LCOR: variants seen among roughly 807,000 people sequenced by gnomAD.
LCOR encodes the protein ligand dependent nuclear receptor corepressor, also known as ligand-dependent corepressor.
A neutral mutation model predicts 64.4 loss-of-function variants in LCOR; 14 were observed. That is an observed-to-expected ratio of 0.22 (90% CI 0.14 to 0.34). The LOEUF is 0.34. Ranked by LOEUF, LCOR falls within the 10% of genes least tolerant of loss-of-function variation. The pLI is 1.00. For synonymous variants in LCOR, 643 were observed against 642.5 expected (o/e 1.00, Z -0.01); for missense variants, 1,686 against 1,765.3 (o/e 0.96, Z 0.80).
intron 2 of LCOR, among the ~76,000 whole-genome samples, chr10:96,867,024 T>C (rs1845986050): frequency 6.6e-6 from 1 of 152,108 alleles, no homozygotes; most frequent in Admixed American, 6.6e-5. Context: ...GTTTCACTCA[T>C]TGCCCAGGCT....
intron 4 of LCOR, among the ~76,000 whole-genome samples, chr10:96,920,630 A>ATATATG (rs1564626293): frequency 6.8e-6 from 1 of 147,248 alleles, no homozygotes; most frequent in African/African-American, 2.5e-5. Flanking sequence ...ATATGTATGT[A>ATATATG]CATTCATATA....
intron 2 of LCOR, among the ~76,000 whole-genome samples, chr10:96,871,801 CAGTT>C (rs1464352791): frequency 3.3e-5 from 5 of 151,778 alleles, no homozygotes; most frequent in Non-Finnish European, 5.9e-5. Context: ...AGTAGTTCAT[CAGTT>C]ATTGTTGAAC....
rs1848183615 is a variant in LCOR at position 96,989,810 on chromosome 10, G to T, written c.*4676G>T. On this transcript the variant is annotated 3_prime_UTR_variant, in exon 8 of 8. Coordinates refer to ENST00000421806, the MANE Select transcript of LCOR (RefSeq NM_001346516.2). Reference sequence around the variant, plus strand: ...CCACCTCAGCCTCCCAAAGTGCTGGGATTACAAGTGAGCCACCGCACCAAC... The same window carrying T: ...CCACCTCAGCCTCCCAAAGTGCTGGTATTACAAGTGAGCCACCGCACCAAC... 1 of 149,422 alleles carries T rather than the reference G, an allele frequency of 6.7e-6. No individual in the cohort carries two copies. Among genetic ancestry groups the T allele is most frequent in the Non-Finnish European group, 1.5e-5 (1 of 67,682 alleles). The allele number at this position is 149,422 out of a possible 1,614,324, so 9.3% of individuals were successfully genotyped here.
chr10:96,966,163 CT>C (rs57378535), intron 7 of LCOR, among the ~76,000 whole-genome samples: 14,117 of 89,962 alleles, frequency 0.16, 1,471 homozygotes, highest in East Asian at 0.39. Flanking sequence ...AAAATGGAAA[CT>C]TTTTTTTTTT....
intron 4 of LCOR, among the ~76,000 whole-genome samples, chr10:96,934,243 A>G (rs573736128): frequency 3.3e-5 from 5 of 152,334 alleles, no homozygotes; most frequent in Admixed American, 2.0e-4. Context: ...AATTTAAGCC[A>G]AAAGTCCATT....
chr10:96,917,176 A>T (rs1278078940), intron 4 of LCOR, among the ~76,000 whole-genome samples: 1 of 152,240 alleles, frequency 6.6e-6, no homozygotes, highest in Non-Finnish European at 1.5e-5. Flanking sequence ...GGCAAGGAGA[A>T]ATCATTAATT....
rs552370801 is a variant in LCOR at position 96,879,959 on chromosome 10, G to A, written c.-329-27306G>A. On this transcript the variant is annotated intron_variant, in intron 2 of 7. Transcript: ENST00000421806. ...ATTACAGGTGTGAGCCACCGTGCCC[G>A]GCCGATACTGTATCTTTATGATTCT... Among the ~76,000 whole-genome samples, 147 of 152,272 alleles carry A rather than the reference G, an allele frequency of 9.7e-4. 1 individual carries two copies. The highest frequency in any genetic ancestry group is 1.6e-3 in the Non-Finnish European group (109 of 68,022).
Position 96,981,591 on chromosome 10 carries a change from G to A in LCOR, c.1131G>A (p.Leu377=), listed in dbSNP as rs765616605. The A allele has an allele frequency of 1.7e-5, 28 of 1,614,188 alleles. No individual in the cohort carries two copies. The highest frequency in any genetic ancestry group is 2.2e-5 in the Non-Finnish European group (26 of 1,180,036). The part of the protein sequence containing the change: ...ENTLQCPKTP[L]RQDLEANEQD... The stretch of plus-strand genomic sequence containing the variant: ...CTTTACAGTGTCCAAAAACACCTTT[G>A]CGCCAGGATTTAGAGGCAAATGAAC... The change falls in exon 8 of 8, where the codon TTG becomes TTA. Residue 377 remains leucine (L), a synonymous_variant. Coordinates refer to ENST00000421806, the MANE Select transcript of LCOR (RefSeq NM_001346516.2).
In LCOR at chr10:96,856,507, T is replaced by C. The variant is rs1331570989; in HGVS notation, c.-330+23028T>C. On this transcript the variant is annotated intron_variant, in intron 2 of 7. Coordinates refer to ENST00000421806, the MANE Select transcript of LCOR (RefSeq NM_001346516.2). ...TTCCTTCCTTTATTTCTCTCTCTCT[T>C]TCAGTCCCCACTGTCTTACCCCGTC... Among the ~76,000 whole-genome samples, 4 of 150,804 alleles carry C rather than the reference T, an allele frequency of 2.7e-5. No homozygotes were observed. In the East Asian group the frequency reaches 5.9e-4, roughly 22 times the overall value.
At chr10:96,869,094 C>G (rs1047265601) in intron 2 of LCOR, among the ~76,000 whole-genome samples, 1 of 151,976 alleles carries the variant, frequency 6.6e-6, no homozygotes, top group Admixed American at 6.6e-5. Context: ...TTAGTAGATA[C>G]GGGGTTTCAC....
At chr10:96,957,382 G>C (rs957633994) in intron 7 of LCOR, 1 of 984,896 alleles carries the variant, frequency 1.0e-6, no homozygotes, top group African/African-American at 1.7e-5. Context: ...ATTATAATAA[G>C]GGAAGTTTAT....
chr10:96,907,839 A>G, intron 4 of LCOR, 92 bp downstream of exon 4: 1 of 287,694 alleles, frequency 3.5e-6, no homozygotes, highest in Non-Finnish European at 5.2e-6. Context: ...GAGGATTTGT[A>G]GGAAAAGGAA....
At chr10:96,885,018 A>G (rs1223248515) in intron 2 of LCOR, among the ~76,000 whole-genome samples, 1 of 152,180 alleles carries the variant, frequency 6.6e-6, no homozygotes, top group Non-Finnish European at 1.5e-5. Flanking sequence ...ATATATAGTA[A>G]TAAGACTTTT....
intron 2 of LCOR, among the ~76,000 whole-genome samples, chr10:96,846,597 G>A (rs1354139559): frequency 2.0e-5 from 3 of 152,168 alleles, no homozygotes; most frequent in Non-Finnish European, 2.9e-5. Context: ...AAGCAAACAG[G>A]TATGAGTAAA....
At chr10:96,904,036 C>A (rs1288682290) in intron 2 of LCOR, among the ~76,000 whole-genome samples, 2 of 152,118 alleles carry the variant, frequency 1.3e-5, no homozygotes, top group Non-Finnish European at 2.9e-5. Flanking sequence ...AGACATTAGG[C>A]AACTGACTTT....
In LCOR at chr10:96,993,654, C is replaced by G. The variant is rs1361027014; in HGVS notation, c.*8520C>G. On this transcript the variant is annotated 3_prime_UTR_variant, in exon 8 of 8. Transcript: ENST00000421806. ...TCACACATGGAGAAAGAACAAAAACCAGCAGGTTGAGAGCTGTTTGGGGCC... is the reference window on the plus strand; with the variant it reads ...TCACACATGGAGAAAGAACAAAAACGAGCAGGTTGAGAGCTGTTTGGGGCC... 2 of 151,612 alleles carry G rather than the reference C, an allele frequency of 1.3e-5. No individual in the cohort carries two copies. The highest frequency in any genetic ancestry group is 1.3e-4 in the Admixed American group (2 of 15,200). 9.4% of individuals were successfully genotyped at this position (151,612 alleles called of 1,614,324 possible).
Position 96,952,104 on chromosome 10 carries a change from C to T in LCOR, c.240C>T (p.Asp80=), listed in dbSNP as rs969324847. The T allele has an allele frequency of 2.5e-5, 41 of 1,610,778 alleles. No homozygotes were observed. In the Middle Eastern group the frequency reaches 6.6e-4, roughly 26 times the overall value. The change falls in exon 7 of 8, where the codon GAC becomes GAT. Residue 80 remains aspartate (D), a splice_region_variant and synonymous_variant. Transcript: ENST00000421806. The part of the protein sequence containing the change: ...RKSQSEPSEQ[D]GVLDLSTKKS... ...AGGTGTTTCTTTGTGTCTCTGCAGA[C>T]GGTGTACTTGATCTGTCCACTAAGA... is the stretch of plus-strand genomic sequence containing the variant.
At chr10:96,889,099 G>C (rs978869065) in intron 2 of LCOR, among the ~76,000 whole-genome samples, 3 of 152,120 alleles carry the variant, frequency 2.0e-5, no homozygotes, top group African/African-American at 7.2e-5. Context: ...CTATCTAATT[G>C]TATAGCATTT....
chr10:96,970,653 A>AT (rs1208672189), intron 7 of LCOR, among the ~76,000 whole-genome samples: 31 of 140,874 alleles, frequency 2.2e-4, no homozygotes, highest in South Asian at 1.1e-3. Flanking sequence ...ATTTTATTTT[A>AT]TTTATTTTAT....
Sources: gnomAD v4.1 joint callset for allele counts (sites outside exome capture counted in the v4.1 genomes callset) on GRCh38, gnomAD v4.1.1 for gene constraint, MANE v1.5 for transcripts, NCBI Gene and HGNC (gene_info 2026-07-23, HGNC 2026-07-21) for gene names.